PROS1: variants seen among roughly 807,000 people sequenced by gnomAD.
PROS1 encodes protein S.
In PROS1, 29 loss-of-function variants were observed where a neutral mutation model predicts 75.9. The observed-to-expected ratio is 0.38, with a 90% CI of 0.28 to 0.52. The LOEUF (loss-of-function observed/expected upper bound fraction) is 0.52. Among genes scored for constraint, PROS1 ranks in the 20% least tolerant of loss-of-function variants. PROS1 has a pLI of 0.83. For synonymous variants in PROS1, 245 were observed against 280.6 expected (o/e 0.87, Z 1.27); for missense variants, 680 against 810.3 (o/e 0.84, Z 1.95).
At chr3:93,922,256 T>C (rs1210177233) in intron 3 of PROS1, among the ~76,000 whole-genome samples, 1 of 152,174 alleles carries the variant, frequency 6.6e-6, no homozygotes. Context: ...TCAGGTTTTT[T>C]CCTTATTTTA....
intron 6 of PROS1, among the ~76,000 whole-genome samples, chr3:93,905,104 G>C (rs1708653669): frequency 6.6e-6 from 1 of 152,288 alleles, no homozygotes; most frequent in East Asian, 1.9e-4. Context: ...TATTGCAGTG[G>C]ATTTCTTTCT....
Position 93,910,602 on chromosome 3 carries a change from A to G in PROS1, c.346+17T>C, listed in dbSNP as rs1349083636. ...AGTTTTTGTTTTGTTTTTTCAATTG[A>G]TGGTAGAAGTGCTTACCATTGACAC... On this transcript the variant is annotated intron_variant, in intron 4 of 14. Coordinates refer to ENST00000394236, the MANE Select transcript of PROS1 (RefSeq NM_000313.4). 1.4e-5 allele frequency: 23 copies of G among 1,595,988 alleles called. No homozygotes were observed. Among genetic ancestry groups the G allele is most frequent in the Non-Finnish European group, 1.9e-5 (22 of 1,164,170 alleles).
intron 1 of PROS1, among the ~76,000 whole-genome samples, chr3:93,932,328 AGAC>A (rs1267621533): frequency 4.6e-5 from 7 of 152,244 alleles, no homozygotes; most frequent in African/African-American, 1.7e-4. Flanking sequence ...CTGAGAACAC[AGAC>A]AACCAGCATC....
chr3:93,877,454 G>A (rs1382376516), intron 13 of PROS1, among the ~76,000 whole-genome samples: 2 of 152,058 alleles, frequency 1.3e-5, no homozygotes, highest in Admixed American at 6.6e-5. Context: ...TGAAAATTCC[G>A]TAAAACAACC....
chr3:93,897,688 C>T (rs1204998846), intron 8 of PROS1, among the ~76,000 whole-genome samples: 5 of 151,830 alleles, frequency 3.3e-5, no homozygotes, highest in African/African-American at 7.3e-5. Context: ...TGTATGTATA[C>T]TTAGTTAAAT....
At chr3:93,917,273 T>TTTTG (rs999209716) in intron 3 of PROS1, among the ~76,000 whole-genome samples, 3 of 123,402 alleles carry the variant, frequency 2.4e-5, no homozygotes, top group Non-Finnish European at 3.7e-5. Context: ...GTTTTTGTTT[T>TTTTG]TTTGTTTGTT....
At position 93,927,356 on chromosome 3, in the gene PROS1, T is replaced by C. The variant is rs748858986; in HGVS notation, c.128A>G (p.Asn43Ser). ...CTGTTTGGTTTCTTCAAGTAAAGAA[T>C]TTGCACGACGCTTCCTAACCAGGAC... ...SQVLVRKRRA[N>S]SLLEETKQGN... The change falls in exon 2 of 15, where the codon AAT (asparagine) becomes AGT (serine). Residue 43 changes from asparagine to serine, a missense_variant. Coordinates refer to ENST00000394236, the MANE Select transcript of PROS1 (RefSeq NM_000313.4). 43 of 1,613,664 alleles carry C rather than the reference T, an allele frequency of 2.7e-5. No individual in the cohort carries two copies. The highest frequency in any genetic ancestry group is 3.6e-5 in the Non-Finnish European group (42 of 1,179,960).
In PROS1 at chr3:93,910,632, T is replaced by C; in HGVS notation, c.333A>G (p.Arg111=). ...RQSTNAYPDL[R]SCVNAIPDQC... ...AGAAGTGCTTACCATTGACACAGCT[T>C]CTTAGGTCAGGATAAGCATTAGTTG... Residue 111 remains arginine (R), a synonymous_variant, in exon 4 of 15, where the codon AGA becomes AGG. Coordinates refer to ENST00000394236, the MANE Select transcript of PROS1 (RefSeq NM_000313.4). The C allele has an allele frequency of 6.2e-7, 1 of 1,612,950 alleles. No homozygotes were observed. The highest frequency in any genetic ancestry group is 8.5e-7 in the Non-Finnish European group (1 of 1,179,046).
intron 1 of PROS1, among the ~76,000 whole-genome samples, chr3:93,949,907 G>A (rs1326145238): frequency 5.9e-5 from 9 of 152,194 alleles, no homozygotes; most frequent in African/African-American, 1.9e-4. Context: ...GGAAGTGCAA[G>A]GGGTCGGGGA....
At chr3:93,894,506 G>A (rs1482865282) in intron 9 of PROS1, among the ~76,000 whole-genome samples, 1 of 152,146 alleles carries the variant, frequency 6.6e-6, no homozygotes, top group Non-Finnish European at 1.5e-5. Flanking sequence ...TCCAGCAGTT[G>A]ATTCTATTAT....
chr3:93,952,264 A>G (rs1218384280), intron 1 of PROS1, among the ~76,000 whole-genome samples: 3 of 152,186 alleles, frequency 2.0e-5, no homozygotes, highest in Non-Finnish European at 4.4e-5. Flanking sequence ...CCCCAAATCA[A>G]CAGGATATAC....
At chr3:93,963,403 T>C (rs937351265) in intron 1 of PROS1, among the ~76,000 whole-genome samples, 12 of 152,146 alleles carry the variant, frequency 7.9e-5, no homozygotes, top group Non-Finnish European at 1.3e-4. Context: ...CACAGGTTGG[T>C]CACTCTCTTG....
intron 1 of PROS1, among the ~76,000 whole-genome samples, chr3:93,942,156 G>A (rs1429296100): frequency 1.3e-5 from 2 of 152,224 alleles, no homozygotes; most frequent in East Asian, 3.9e-4. Flanking sequence ...GCAAAGGCAG[G>A]CTATGCTATA....
In PROS1 at chr3:93,957,052, A is replaced by G. The variant is rs943007894; in HGVS notation, c.76+16622T>C. Among the ~76,000 whole-genome samples, 34 of 152,178 alleles carry G rather than the reference A, an allele frequency of 2.2e-4. 1 individual carries two copies. The highest frequency in any genetic ancestry group is 4.4e-4 in the Non-Finnish European group (30 of 68,026). On this transcript the variant is annotated intron_variant, in intron 1 of 14. Transcript: ENST00000394236. ...AACTATATATGAATATGTTCATTACAATATAATTGATATAAGCAAAACATT... is the reference window on the plus strand; with the variant it reads ...AACTATATATGAATATGTTCATTACGATATAATTGATATAAGCAAAACATT...
At chr3:93,884,082 G>T (rs1372352880) in intron 12 of PROS1, among the ~76,000 whole-genome samples, 1 of 152,178 alleles carries the variant, frequency 6.6e-6, no homozygotes, top group East Asian at 1.9e-4. Flanking sequence ...CCTAGCAAAA[G>T]AAATGTGCTC....
chr3:93,873,508 C>G lies in PROS1; in HGVS notation c.*737G>C, dbSNP rs538937681. ...TGAATTCTGTCTTTTGTAATGTAGA[C>G]CTTGTGTGACCCACACAGCAAAATT... On this transcript the variant is annotated 3_prime_UTR_variant, in exon 15 of 15. Transcript: ENST00000394236. 6.6e-6 allele frequency: 1 copy of G among 152,182 alleles called. No homozygotes were observed. Among genetic ancestry groups the G allele is most frequent in the Non-Finnish European group, 1.5e-5 (1 of 68,024 alleles). The allele number at this position is 152,182 out of a possible 1,614,324, so 9.4% of individuals were successfully genotyped here. A position where few individuals can be genotyped will look rare whatever the true frequency, so the allele number is the denominator to read the frequency against.
At chr3:93,887,193 C>G (rs1354670999) in intron 10 of PROS1, among the ~76,000 whole-genome samples, 1 of 152,194 alleles carries the variant, frequency 6.6e-6, no homozygotes, top group African/African-American at 2.4e-5. Flanking sequence ...GCTGGGATTA[C>G]AGGCGTGAGC....
intron 6 of PROS1, among the ~76,000 whole-genome samples, chr3:93,901,247 A>G (rs563776439): frequency 1.4e-4 from 21 of 151,998 alleles, no homozygotes; most frequent in African/African-American, 5.1e-4. Flanking sequence ...AAACAGATTC[A>G]CTCCATATTA....
At chr3:93,959,539 G>C (rs897730577) in intron 1 of PROS1, among the ~76,000 whole-genome samples, 2 of 151,962 alleles carry the variant, frequency 1.3e-5, no homozygotes, top group Non-Finnish European at 2.9e-5. Flanking sequence ...GCAAAAATTT[G>C]TTCACTTATC....
Sources: gnomAD v4.1 joint callset for allele counts (sites outside exome capture counted in the v4.1 genomes callset) on GRCh38, gnomAD v4.1.1 for gene constraint, MANE v1.5 for transcripts, NCBI Gene and HGNC (gene_info 2026-07-23, HGNC 2026-07-21) for gene names.